The following LRRC75A variants were observed in gnomAD, a reference collection of about 807,000 sequenced individuals.
LRRC75A encodes the protein leucine rich repeat containing 75A, also known as leucine-rich repeat-containing protein 75A.
In LRRC75A, 12 loss-of-function variants were observed where a neutral mutation model predicts 26.0. That is an observed-to-expected ratio of 0.46 (90% CI 0.30 to 0.75). The LOEUF is 0.75. Among genes scored for constraint, LRRC75A ranks in the 30% least tolerant of loss-of-function variants. The pLI is 0.08. For synonymous variants in LRRC75A, 223 were observed against 219.3 expected (o/e 1.02, Z -0.15); for missense variants, 410 against 486.6 (o/e 0.84, Z 1.48).
Position 16,447,907 on chromosome 17 carries a change from G to A in LRRC75A, c.429C>T (p.His143=). Residue 143 remains histidine, a synonymous_variant, in exon 3 of 4, where the codon CAC becomes CAT. Coordinates refer to ENST00000470794, the MANE Select transcript of LRRC75A (RefSeq NM_001113567.3). ...MEKLCRQLTY[H]LSPHSQWRRH... is the part of the protein sequence containing the mutation. ...GCCTCCACTGGGAGTGGGGGCTGAG[G>A]TGGTATGTCAGCTGCCGGCACAGCT... 11 of 1,550,854 alleles carry A rather than the reference G, an allele frequency of 7.1e-6. No individual in the cohort carries two copies. The highest frequency in any genetic ancestry group is 9.6e-6 in the Non-Finnish European group (11 of 1,146,920).
Position 16,462,414 on chromosome 17 carries a change from C to G in LRRC75A, c.247-28G>C. ...GCAAGAGCAAAGGATGCCCAGAGGT[C>G]AGGGCTGGCTGCCCACCCAGCTCGC... On this transcript the variant is annotated intron_variant, in intron 1 of 3. Coordinates refer to ENST00000470794, the MANE Select transcript of LRRC75A (RefSeq NM_001113567.3). This position sits in a 1 kb window ranked among gnomAD's most constrained non-coding sequence, Gnocchi z 4.6. 6.2e-7 allele frequency: 1 copy of G among 1,612,814 alleles called. No homozygotes were observed. The highest frequency in any genetic ancestry group is 1.7e-4 in the Middle Eastern group (1 of 6,052).
chr17:16,453,304 A>ACACACACG (rs767449379), intron 2 of LRRC75A, among the ~76,000 whole-genome samples: 6 of 135,794 alleles, frequency 4.4e-5, no homozygotes, highest in East Asian at 3.9e-4. Context: ...CTAAACACAC[A>ACACACACG]CACACACGCA....
chr17:16,473,291 G>GAAGACACCAAAGC (rs1190240883), intron 1 of LRRC75A, among the ~76,000 whole-genome samples: 1 of 152,140 alleles, frequency 6.6e-6, no homozygotes, highest in East Asian at 1.9e-4. Context: ...CTCAGGCTTG[G>GAAGACACCAAAGC]AAGACACCAA....
intron 1 of LRRC75A, among the ~76,000 whole-genome samples, chr17:16,481,673 G>A (rs16959748): frequency 0.084 from 12,803 of 151,986 alleles, 1,800 homozygotes; most frequent in African/African-American, 0.29. Context: ...GATGGCCCTG[G>A]CATTCAGCAC....
intron 1 of LRRC75A, among the ~76,000 whole-genome samples, chr17:16,472,829 A>G (rs2093810786): frequency 6.6e-6 from 1 of 152,228 alleles, no homozygotes; most frequent in African/African-American, 2.4e-5. Flanking sequence ...CATATTTATC[A>G]GCTTATTAAA....
intron 1 of LRRC75A, among the ~76,000 whole-genome samples, chr17:16,476,703 T>A (rs959862744): frequency 6.7e-6 from 1 of 150,268 alleles, no homozygotes; most frequent in Non-Finnish European, 1.5e-5. Flanking sequence ...GTAGCTGAGA[T>A]TACAGGTGCC....
chr17:16,485,121 C>T (rs1020574823), intron 1 of LRRC75A, among the ~76,000 whole-genome samples: 25 of 152,240 alleles, frequency 1.6e-4, no homozygotes, highest in Admixed American at 5.2e-4. Flanking sequence ...ACACCCAGCC[C>T]TTCTAGTAAT....
intron 2 of LRRC75A, among the ~76,000 whole-genome samples, chr17:16,451,656 AAC>A (rs1487494132): frequency 2.6e-5 from 4 of 151,446 alleles, no homozygotes; most frequent in Non-Finnish European, 5.9e-5. Flanking sequence ...AAATAAATAA[AAC>A]AGAGAATAGG....
At chr17:16,468,773 C>T (rs1243658079) in intron 1 of LRRC75A, among the ~76,000 whole-genome samples, 2 of 152,156 alleles carry the variant, frequency 1.3e-5, no homozygotes, top group Non-Finnish European at 2.9e-5. Context: ...CCTGTAATCC[C>T]GGCACTTTGG....
At chr17:16,467,432 C>T (rs1601173930) in intron 1 of LRRC75A, among the ~76,000 whole-genome samples, 3 of 152,332 alleles carry the variant, frequency 2.0e-5, no homozygotes, top group East Asian at 3.9e-4. Context: ...GCCACTCACT[C>T]GTTGATGCCT....
At chr17:16,473,154 C>T (rs373018728) in intron 1 of LRRC75A, among the ~76,000 whole-genome samples, 6 of 149,790 alleles carry the variant, frequency 4.0e-5, no homozygotes, top group African/African-American at 1.5e-4. Flanking sequence ...TGTGTGTGCG[C>T]GCGCGCCCCA....
chr17:16,458,726 A>G, intron 2 of LRRC75A, among the ~76,000 whole-genome samples: 1 of 151,906 alleles, frequency 6.6e-6, no homozygotes, highest in East Asian at 1.9e-4. Context: ...CGGCCTCCCA[A>G]AGTGCTCGGT....
At chr17:16,464,185 C>T (rs1014105121) in intron 1 of LRRC75A, among the ~76,000 whole-genome samples, 3 of 152,128 alleles carry the variant, frequency 2.0e-5, no homozygotes, top group African/African-American at 4.8e-5. Flanking sequence ...ACCTTGGAGG[C>T]GAACTGCCAG....
At position 16,476,993 on chromosome 17, in the gene LRRC75A, C is replaced by T. The variant is rs989829015; in HGVS notation, c.247-14607G>A. Among the ~76,000 whole-genome samples the T allele has an allele frequency of 1.7e-4, 26 of 152,064 alleles. 1 individual carries two copies. Among genetic ancestry groups the T allele is most frequent in the African/African-American group, 5.8e-4 (24 of 41,390 alleles). ...GACCTTGTGATCCGCCCGCCTTGGCCTCCCAAAGTGCTGGGATTACAGGCG... is the reference window on the plus strand; with the variant it reads ...GACCTTGTGATCCGCCCGCCTTGGCTTCCCAAAGTGCTGGGATTACAGGCG... On this transcript the variant is annotated intron_variant, in intron 1 of 3. Transcript: ENST00000470794.
Position 16,462,354 on chromosome 17 carries a change from G to A in LRRC75A, c.279C>T (p.Asp93=), listed in dbSNP as rs771575027. The change falls in exon 2 of 4, where the codon GAC becomes GAT. Residue 93 remains aspartate, a synonymous_variant. Transcript: ENST00000470794. This position sits in a 1 kb window ranked among gnomAD's most constrained non-coding sequence, Gnocchi z 4.6. ...GGAAGCTGGCGTAGCGATACAGAAC[G>A]TCGTCTAGCGAGGTCGACTCCATGC... ...DLGMESTSLD[D]VLYRYASFRN... is the part of the protein sequence containing the mutation. 45 of 1,614,050 alleles carry A rather than the reference G, an allele frequency of 2.8e-5. No homozygotes were observed. The highest frequency in any genetic ancestry group is 3.5e-5 in the Non-Finnish European group (41 of 1,180,044).
rs2143007260 is a variant in LRRC75A at position 16,442,397 on chromosome 17, C to G, written c.*1191G>C. The G allele has an allele frequency of 6.6e-6, 1 of 152,418 alleles. No individual in the cohort carries two copies. Among genetic ancestry groups the G allele is most frequent in the South Asian group, 2.1e-4 (1 of 4,826 alleles). The allele number at this position is 152,418 out of a possible 1,614,324, so 9.4% of individuals were successfully genotyped here. A position where few individuals can be genotyped will look rare whatever the true frequency, so the allele number is the denominator to read the frequency against. On this transcript the variant is annotated 3_prime_UTR_variant, in exon 4 of 4. Transcript: ENST00000470794. ...CCCCATACTGTTTGCCCACAAGGTT[C>G]AAGAGTGATTGGCTCCCAGTCTTCC...
chr17:16,450,801 G>A (rs558348465), intron 2 of LRRC75A, among the ~76,000 whole-genome samples: 1 of 152,296 alleles, frequency 6.6e-6, no homozygotes, highest in South Asian at 2.1e-4. Flanking sequence ...GATGACTCAG[G>A]GCCAGGCTAT....
chr17:16,444,190 G>A (rs1297920532), intron 3 of LRRC75A, 59 bp from the exon 4 acceptor site: 3 of 1,380,126 alleles, frequency 2.2e-6, no homozygotes, highest in Non-Finnish European at 2.9e-6. Flanking sequence ...TCCCCCAGAA[G>A]CTGCAGTGCC....
chr17:16,443,631 TCTTC>T lies in LRRC75A; in HGVS notation c.988_991del (p.Glu330ThrfsTer9). On this transcript the variant is annotated frameshift_variant, in exon 4 of 4. Coordinates refer to ENST00000470794, the MANE Select transcript of LRRC75A (RefSeq NM_001113567.3). LOFTEE classifies it high-confidence loss of function. ...TACAGTCTCCTTGCCCTCATGGTGG[TCTTC>T]GGCAGGTGCCACAGGGCCCCCTCCA... 6.5e-7 allele frequency: 1 copy of T among 1,549,896 alleles called. No homozygotes were observed. The highest frequency in any genetic ancestry group is 8.7e-7 in the Non-Finnish European group (1 of 1,145,182).
Sources: allele counts gnomAD v4.1 joint callset (sites outside exome capture counted in the v4.1 genomes callset), GRCh38; gene constraint gnomAD v4.1.1; non-coding constraint Gnocchi (gnomAD v3.1); transcripts MANE v1.5; gene names NCBI Gene and HGNC (gene_info 2026-07-23, HGNC 2026-07-21).